Variants in GMDS observed in about 807,000 individuals in gnomAD.
GMDS encodes the protein GDP-mannose 4,6-dehydratase, also known as GDP-mannose 4,6 dehydratase.
A neutral mutation model predicts 49.9 loss-of-function variants in GMDS; 20 were observed. That is an observed-to-expected ratio of 0.40 (90% CI 0.28 to 0.58). The LOEUF (loss-of-function observed/expected upper bound fraction) is 0.58. GMDS is among the 20% of genes least tolerant of loss of function. The pLI is 0.42. For missense variants in GMDS, 362 were observed against 481.4 expected (o/e 0.75, Z 2.32); for synonymous variants, 177 against 178.6 (o/e 0.99, Z 0.07).
In GMDS at chr6:1,914,192, C is replaced by T. The variant is rs181881231; in HGVS notation, c.771+15911G>A. ...AACTTTTGGGCTAGGCGCGGTGGCT[C>T]ACGCCTGTAATCCCAGCACTTTGGG... On this transcript the variant is annotated intron_variant, in intron 7 of 10. Coordinates refer to ENST00000380815, the MANE Select transcript of GMDS (RefSeq NM_001500.4). Among the ~76,000 whole-genome samples, 363 of 136,392 alleles carry T rather than the reference C, an allele frequency of 2.7e-3. 6 individuals are homozygous for T. Among genetic ancestry groups the T allele is most frequent in the Admixed American group, 0.024 (307 of 12,706 alleles). 89.5% of individuals were successfully genotyped at this position (136,392 alleles called of 152,430 possible). A position where few individuals can be genotyped will look rare whatever the true frequency, so the allele number is the denominator to read the frequency against.
At chr6:1,689,972 G>T (rs935868917) in intron 9 of GMDS, among the ~76,000 whole-genome samples, 14 of 152,042 alleles carry the variant, frequency 9.2e-5, no homozygotes, top group African/African-American at 3.4e-4. Flanking sequence ...ATAAAACTGG[G>T]TACCCATCTG....
In GMDS at chr6:1,835,352, G is replaced by A. The variant is rs191200336; in HGVS notation, c.772-92766C>T. Among the ~76,000 whole-genome samples, 660 of 152,212 alleles carry A rather than the reference G, an allele frequency of 4.3e-3. 4 individuals carry two copies. Among genetic ancestry groups the A allele is most frequent in the African/African-American group, 0.015 (630 of 41,520 alleles). On this transcript the variant is annotated intron_variant, in intron 7 of 10. Coordinates refer to ENST00000380815, the MANE Select transcript of GMDS (RefSeq NM_001500.4). ...TGTCTCTAGAAGAGTGGAAGGAGGC[G>A]GCTTTGCTCTCCTTTCCCAACTCAG...
chr6:1,978,282 T>C (rs12202441), intron 4 of GMDS, among the ~76,000 whole-genome samples: 49,505 of 152,006 alleles, frequency 0.33, 8,325 homozygotes, highest in Middle Eastern at 0.41. Context: ...GGACGGGACC[T>C]ACCTGGTGGG....
chr6:1,765,293 G>A (rs1037043139), intron 7 of GMDS, among the ~76,000 whole-genome samples: 4 of 152,134 alleles, frequency 2.6e-5, no homozygotes, highest in Non-Finnish European at 5.9e-5. Context: ...AAACTTTGTT[G>A]TTTATTTTGG....
chr6:1,857,979 C>A (rs1758012138), intron 7 of GMDS, among the ~76,000 whole-genome samples: 1 of 152,152 alleles, frequency 6.6e-6, no homozygotes, highest in Non-Finnish European at 1.5e-5. Flanking sequence ...CAATGTCACA[C>A]CATGTTAGAG....
At chr6:1,905,144 T>C (rs1005507745) in intron 7 of GMDS, among the ~76,000 whole-genome samples, 3 of 152,228 alleles carry the variant, frequency 2.0e-5, no homozygotes, top group Non-Finnish European at 4.4e-5. Flanking sequence ...ATGCCTCCTT[T>C]GGGCAGCGAG....
At chr6:2,049,675 G>A (rs923881974) in intron 4 of GMDS, among the ~76,000 whole-genome samples, 17 of 152,152 alleles carry the variant, frequency 1.1e-4, no homozygotes, top group Non-Finnish European at 5.9e-5. Context: ...AGGTAGTAGG[G>A]CCAGAGTCAG....
chr6:1,646,033 G>A (rs960721051), intron 9 of GMDS, among the ~76,000 whole-genome samples: 6 of 152,308 alleles, frequency 3.9e-5, no homozygotes, highest in African/African-American at 1.4e-4. Context: ...AATGCCTCAA[G>A]GGATGTTTAA....
At chr6:1,936,640 G>A (rs904718323) in intron 6 of GMDS, among the ~76,000 whole-genome samples, 9 of 152,140 alleles carry the variant, frequency 5.9e-5, no homozygotes, top group Non-Finnish European at 1.5e-5. Context: ...TTTAGGTCAA[G>A]CATGGACCGC....
At position 1,644,249 on chromosome 6, in the gene GMDS, G is replaced by T. The variant is rs528640255; in HGVS notation, c.988-19709C>A. Among the ~76,000 whole-genome samples, 12 of 152,286 alleles carry T rather than the reference G, an allele frequency of 7.9e-5. No homozygotes were observed. In the South Asian group the frequency reaches 2.5e-3, roughly 32 times the overall value. The stretch of plus-strand genomic sequence containing the variant: ...GACCCCTGATTCCACCCGAGCGAAC[G>T]TGTGAACGATAGCGGATGGCACTGC... On this transcript the variant is annotated intron_variant, in intron 9 of 10. Coordinates refer to ENST00000380815, the MANE Select transcript of GMDS (RefSeq NM_001500.4).
intron 9 of GMDS, among the ~76,000 whole-genome samples, chr6:1,703,417 T>A (rs1042411443): frequency 2.6e-5 from 4 of 152,104 alleles, no homozygotes; most frequent in African/African-American, 9.7e-5. Flanking sequence ...AAACATGCCT[T>A]GTCATACCAA....
At position 1,853,058 on chromosome 6, in the gene GMDS, T is replaced by C. The variant is rs541563991; in HGVS notation, c.771+77045A>G. ...GAGAATGTTCTCATTTCTGTCCTTG[T>C]TGAGAGAAAGGGGAAAGGGGAAATG... On this transcript the variant is annotated intron_variant, in intron 7 of 10. Coordinates refer to ENST00000380815, the MANE Select transcript of GMDS (RefSeq NM_001500.4). 2.0e-5 allele frequency among the ~76,000 whole-genome samples: 3 copies of C among 152,114 alleles called. No individual in the cohort carries two copies. In the East Asian group the frequency reaches 5.8e-4, roughly 30 times the overall value.
chr6:2,134,928 T>C (rs1362404242), intron 1 of GMDS, among the ~76,000 whole-genome samples: 1 of 152,238 alleles, frequency 6.6e-6, no homozygotes, highest in Non-Finnish European at 1.5e-5. Flanking sequence ...ACTCTTTAGA[T>C]GTTTTTTCCC....
rs549770526 is a variant in GMDS, at chr6:2,234,666, ATT to A, written c.102+10653_102+10654del. On this transcript the variant is annotated intron_variant, in intron 1 of 10. Coordinates refer to ENST00000380815, the MANE Select transcript of GMDS (RefSeq NM_001500.4). ...ACTTACAAGATTTGAAAAGACATAA[ATT>A]TTCTGACCTCGAGGGCAGGCCCTAT... 2.8e-3 allele frequency among the ~76,000 whole-genome samples: 431 copies of A among 152,244 alleles called. 1 individual carries two copies. Among genetic ancestry groups the A allele is most frequent in the Non-Finnish European group, 5.0e-3 (337 of 68,004 alleles).
chr6:1,710,285 C>CTTAA (rs1765898645), intron 9 of GMDS, among the ~76,000 whole-genome samples: 1 of 152,224 alleles, frequency 6.6e-6, no homozygotes, highest in Non-Finnish European at 1.5e-5. Context: ...TCCTGAGAAG[C>CTTAA]TTAACCACAT....
In GMDS at chr6:1,776,339, G is replaced by A. The variant is rs114279860; in HGVS notation, c.772-33753C>T. Among the ~76,000 whole-genome samples, 759 of 152,242 alleles carry A rather than the reference G, an allele frequency of 5.0e-3. 9 individuals are homozygous for A. Among genetic ancestry groups the A allele is most frequent in the African/African-American group, 0.017 (726 of 41,550 alleles). The stretch of plus-strand genomic sequence containing the variant: ...AAATCTAAGGCATCGCCATTATTAC[G>A]AAGAATTATGTCCCACACAGAATTT... On this transcript the variant is annotated intron_variant, in intron 7 of 10. Coordinates refer to ENST00000380815, the MANE Select transcript of GMDS (RefSeq NM_001500.4).
chr6:1,894,784 G>A (rs1760066042), intron 7 of GMDS, among the ~76,000 whole-genome samples: 1 of 152,130 alleles, frequency 6.6e-6, no homozygotes, highest in African/African-American at 2.4e-5. Flanking sequence ...GAGTTTGGAG[G>A]TTAAATCTAA....
intron 9 of GMDS, among the ~76,000 whole-genome samples, chr6:1,669,774 G>A (rs1169363019): frequency 6.6e-6 from 1 of 152,094 alleles, no homozygotes; most frequent in African/African-American, 2.4e-5. Context: ...TTAGCCAGGT[G>A]TGGTGGCAGG....
chr6:1,647,636 C>A (rs1763527074), intron 9 of GMDS, among the ~76,000 whole-genome samples: 1 of 152,128 alleles, frequency 6.6e-6, no homozygotes. Context: ...TGTAGTGTGA[C>A]AAGACACTGA....
Sources: allele counts gnomAD v4.1 joint callset (sites outside exome capture counted in the v4.1 genomes callset), GRCh38; gene constraint gnomAD v4.1.1; transcripts MANE v1.5; gene names NCBI Gene and HGNC (gene_info 2026-07-23, HGNC 2026-07-21).